Variants in CDON observed in about 807,000 individuals in gnomAD.
CDON encodes cell adhesion associated, oncogene regulated.
A neutral mutation model predicts 120.9 loss-of-function variants in CDON; 73 were observed. The observed-to-expected ratio is 0.60, with a 90% CI of 0.50 to 0.73. CDON has a LOEUF of 0.73. CDON is among the 30% of genes least tolerant of loss of function. CDON has a pLI of 0.00. For missense variants in CDON, 1,470 were observed against 1,587.3 expected (o/e 0.93, Z 1.26); for synonymous variants, 566 against 573.5 (o/e 0.99, Z 0.19).
At chr11:126,040,069 A>G (rs1317355989) in intron 1 of CDON, among the ~76,000 whole-genome samples, 3 of 152,146 alleles carry the variant, frequency 2.0e-5, no homozygotes, top group African/African-American at 7.2e-5. Flanking sequence ...AGATGATCCT[A>G]CCTGACTCAC....
At chr11:125,971,349 C>G (rs548187370) in intron 18 of CDON, among the ~76,000 whole-genome samples, 2 of 151,742 alleles carry the variant, frequency 1.3e-5, no homozygotes, top group East Asian at 1.9e-4. Flanking sequence ...CACCACTGCA[C>G]TCCAGCCTGG....
At chr11:125,979,304 A>T (rs1946229861) in intron 17 of CDON, among the ~76,000 whole-genome samples, 1 of 152,234 alleles carries the variant, frequency 6.6e-6, no homozygotes, top group Non-Finnish European at 1.5e-5. Flanking sequence ...AAGTCCTGAA[A>T]ATTTCCTTCA....
In CDON at chr11:125,962,011, A is replaced by G. The variant is rs769558359; in HGVS notation, c.3357-13T>C. 12 of 1,598,856 alleles carry G rather than the reference A, an allele frequency of 7.5e-6. No homozygotes were observed. The highest frequency in any genetic ancestry group is 1.1e-5 in the South Asian group (1 of 90,744). On this transcript the variant is annotated splice_polypyrimidine_tract_variant and intron_variant, in intron 18 of 19. Coordinates refer to ENST00000531738, the MANE Select transcript of CDON (RefSeq NM_001378964.1). ...TTTGGTGAAACACCTGCAGAGGTTA[A>G]ACCAAAAGAAACAGAATTGTGTCTA...
In CDON at chr11:125,956,836, G is replaced by A. The variant is rs1945500314; in HGVS notation, c.*4106C>T. 4 of 987,322 alleles carry A rather than the reference G, an allele frequency of 4.1e-6. No homozygotes were observed. Among genetic ancestry groups the A allele is most frequent in the Non-Finnish European group, 4.8e-6 (4 of 831,220 alleles). The allele number at this position is 987,322 out of a possible 1,614,324, so 61.2% of individuals were successfully genotyped here. On this transcript the variant is annotated 3_prime_UTR_variant, in exon 20 of 20. Transcript: ENST00000531738. The stretch of plus-strand genomic sequence containing the variant: ...AAGAAGATTCTGTGGTTCTCACAGA[G>A]TTAGACTTTATTAGATAAGGGGTTT...
At chr11:126,045,549 T>C (rs960977953) in intron 1 of CDON, among the ~76,000 whole-genome samples, 3 of 152,322 alleles carry the variant, frequency 2.0e-5, no homozygotes, top group South Asian at 4.1e-4. Flanking sequence ...CAGTATTTAC[T>C]TTGGAAATTC....
At chr11:125,977,896 C>T (rs1254074976) in intron 18 of CDON, among the ~76,000 whole-genome samples, 2 of 151,832 alleles carry the variant, frequency 1.3e-5, no homozygotes, top group East Asian at 3.9e-4. Flanking sequence ...AAAAAAATTA[C>T]TATATACAGA....
intron 1 of CDON, among the ~76,000 whole-genome samples, chr11:126,047,683 T>C (rs2134883169): frequency 6.6e-6 from 1 of 152,252 alleles, no homozygotes; most frequent in South Asian, 2.1e-4. Context: ...GACCACCATA[T>C]AGAGATGGGG....
At position 126,005,981 on chromosome 11, in the gene CDON, T is replaced by C. The variant is rs766653475; in HGVS notation, c.1629A>G (p.Arg543=). ...TCAGTAACCCAGTTTCTGAACCATC[T>C]CTCTTACTTCTGTCATCATTCTGAG... ...DAAQNDDRSK[R]DGSETGLLSS... The change falls in exon 9 of 20, where the codon AGA becomes AGG. Residue 543 remains arginine (R), a synonymous_variant. Transcript: ENST00000531738. The C allele has an allele frequency of 4.3e-6, 7 of 1,613,968 alleles. No homozygotes were observed. Among genetic ancestry groups the C allele is most frequent in the Non-Finnish European group, 5.9e-6 (7 of 1,180,000 alleles).
In CDON at chr11:126,052,090, TAAAAC is replaced by T. The variant is rs112365084; in HGVS notation, c.-62+10484_-62+10488del. ...AATTGGCTTTAGTTAGCCATGGGAT[TAAAAC>T]AAAACAAAACAAAACAAAACAAAAC... On this transcript the variant is annotated intron_variant, in intron 1 of 19. Coordinates refer to ENST00000531738, the MANE Select transcript of CDON (RefSeq NM_001378964.1). Among the ~76,000 whole-genome samples, 1,137 of 150,620 alleles carry T rather than the reference TAAAAC, an allele frequency of 7.5e-3. 20 individuals are homozygous for T. The highest frequency in any genetic ancestry group is 0.024 in the African/African-American group (961 of 40,606).
At chr11:126,051,801 C>T (rs1437523291) in intron 1 of CDON, among the ~76,000 whole-genome samples, 2 of 151,910 alleles carry the variant, frequency 1.3e-5, no homozygotes, top group Non-Finnish European at 1.5e-5. Context: ...GCACCCACCA[C>T]CACGCCCAGC....
At chr11:125,989,007 C>A (rs908938649) in intron 15 of CDON, among the ~76,000 whole-genome samples, 1 of 151,780 alleles carries the variant, frequency 6.6e-6, no homozygotes, top group Non-Finnish European at 1.5e-5. Context: ...TCATGACCAG[C>A]CTGGGCAACA....
chr11:125,977,057 G>T (rs992280598), intron 18 of CDON, among the ~76,000 whole-genome samples: 5 of 152,114 alleles, frequency 3.3e-5, no homozygotes, highest in African/African-American at 1.2e-4. Context: ...CTGATTACTC[G>T]CCAGGTACAT....
rs758575912 is a variant in CDON at position 125,981,056 on chromosome 11, AGAT to A, written c.3266_3268del (p.His1089del). 2 of 1,614,134 alleles carry A rather than the reference AGAT, an allele frequency of 1.2e-6. No homozygotes were observed. Among genetic ancestry groups the A allele is most frequent in the East Asian group, 4.5e-5 (2 of 44,882 alleles). On this transcript the variant is annotated inframe_deletion, in exon 17 of 20. Coordinates refer to ENST00000531738, the MANE Select transcript of CDON (RefSeq NM_001378964.1). Reference sequence around the variant, plus strand: ...TATAGTTAGGTCTCTTACATTCACTAGATGATGAGGATGTTCAAAATCCACGTG... The same window carrying A: ...TATAGTTAGGTCTCTTACATTCACTAGATGAGGATGTTCAAAATCCACGTG...
intron 1 of CDON, among the ~76,000 whole-genome samples, chr11:126,050,841 G>A (rs1219902218): frequency 2.0e-5 from 3 of 152,038 alleles, no homozygotes; most frequent in Admixed American, 6.5e-5. Context: ...ACAAGGACCT[G>A]GCTCTGCAAA....
Position 125,961,829 on chromosome 11 carries a change from C to T in CDON, c.3526G>A (p.Val1176Ile), listed in dbSNP as rs78304400. 8,736 of 1,614,134 alleles carry T rather than the reference C, an allele frequency of 5.4e-3. 283 individuals are homozygous for T. The African/African-American group carries it at 0.085, about 16-fold the overall frequency. ...GGGACTGGTTCCACATTGTCCTTGACGCTCTCCTCCGGCAACTGGCCACAA... is the reference window on the plus strand; with the variant it reads ...GGGACTGGTTCCACATTGTCCTTGATGCTCTCCTCCGGCAACTGGCCACAA... ...PDCGQLPEESVKDNVEPVPTQ... is the reference protein window; with the variant it reads ...PDCGQLPEESIKDNVEPVPTQ... Residue 1176 changes from valine (V) to isoleucine (I), a missense_variant, in exon 19 of 20, where the codon GTC (valine) becomes ATC (isoleucine). By Grantham distance (29) the Val-to-Ile change is conservative. Coordinates refer to ENST00000531738, the MANE Select transcript of CDON (RefSeq NM_001378964.1).
At chr11:125,995,398 C>T (rs944304269) in intron 12 of CDON, among the ~76,000 whole-genome samples, 5 of 152,220 alleles carry the variant, frequency 3.3e-5, no homozygotes, top group South Asian at 2.1e-4. Context: ...TAAGTCATAC[C>T]CATCAATGAC....
chr11:125,966,122 C>T (rs1014138138), intron 18 of CDON, among the ~76,000 whole-genome samples: 3 of 145,188 alleles, frequency 2.1e-5, no homozygotes, highest in Non-Finnish European at 1.5e-5. Flanking sequence ...GGGCAAGAAG[C>T]GCGAAATTCC....
chr11:125,974,390 AAGGGAGGGAGGGAGGGAGGG>A (rs149644937), intron 18 of CDON, among the ~76,000 whole-genome samples: 23,006 of 46,620 alleles, frequency 0.49, 3,969 homozygotes, highest in South Asian at 0.58. Flanking sequence ...GGAAGGAAGG[AAGGGAGGGAGGGAGGGAGGG>A]AGGGAGGGAG....
rs977950622 is a variant in CDON, at chr11:125,958,095, C to G, written c.*2847G>C. The G allele has an allele frequency of 6.6e-6, 1 of 152,226 alleles. No individual in the cohort carries two copies. The highest frequency in any genetic ancestry group is 1.5e-5 in the Non-Finnish European group (1 of 68,068). 9.4% of individuals were successfully genotyped at this position (152,226 alleles called of 1,614,324 possible). A position where few individuals can be genotyped will look rare whatever the true frequency, so the allele number is the denominator to read the frequency against. On this transcript the variant is annotated 3_prime_UTR_variant, in exon 20 of 20. Transcript: ENST00000531738. ...ATAAGCAGAGCTCTGCCCGCGGAGG[C>G]CAGAGAGCAGCTTCTCTGGCTGCGG...
Sources: gnomAD v4.1 joint callset for allele counts (sites outside exome capture counted in the v4.1 genomes callset) on GRCh38, gnomAD v4.1.1 for gene constraint, MANE v1.5 for transcripts, NCBI Gene and HGNC (gene_info 2026-07-23, HGNC 2026-07-21) for gene names.